The following C1orf21 variants were observed in gnomAD, a reference collection of about 807,000 sequenced individuals.
The protein encoded by C1orf21 is uncharacterized protein C1orf21.
In C1orf21, 3 loss-of-function variants were observed where a neutral mutation model predicts 18.7. The observed-to-expected ratio is 0.16, with a 90% CI of 0.07 to 0.42. The LOEUF (loss-of-function observed/expected upper bound fraction) is 0.42. Ranked by LOEUF, C1orf21 falls within the 10% of genes least tolerant of loss-of-function variation. The pLI, the probability that C1orf21 is intolerant of heterozygous loss-of-function variation, is 0.99. For missense variants in C1orf21, 104 were observed against 143.6 expected, an observed-to-expected ratio of 0.72 and a Z score of 1.41; for synonymous variants, 41 against 46.4, an observed-to-expected ratio of 0.88 and a Z score of 0.47.
Position 184,460,656 on chromosome 1 carries a change from T to G in C1orf21, c.-124-16730T>G, listed in dbSNP as rs1057080468. On this transcript the variant is annotated intron_variant, in intron 1 of 5. Coordinates refer to ENST00000235307, the MANE Select transcript of C1orf21 (RefSeq NM_030806.4). ...CTTCTTCTTCTTCTTCTTCTTCTTCTTCTTCTTCTTCTTCTTCTTCTTCTT... is the reference window on the plus strand; with the variant it reads ...CTTCTTCTTCTTCTTCTTCTTCTTCGTCTTCTTCTTCTTCTTCTTCTTCTT... Among the ~76,000 whole-genome samples the G allele has an allele frequency of 3.4e-5, 5 of 148,484 alleles. No homozygotes were observed. In the South Asian group the frequency reaches 8.6e-4, roughly 25 times the overall value.
At chr1:184,545,683 G>C (rs1658718365) in intron 3 of C1orf21, among the ~76,000 whole-genome samples, 2 of 152,178 alleles carry the variant, frequency 1.3e-5, no homozygotes, top group Non-Finnish European at 2.9e-5. Flanking sequence ...GTGACACACA[G>C]AGGCTTTCTG....
chr1:184,491,259 T>G (rs1428065259), intron 2 of C1orf21, among the ~76,000 whole-genome samples: 2 of 152,106 alleles, frequency 1.3e-5, no homozygotes, highest in Non-Finnish European at 2.9e-5. Flanking sequence ...ATAAGAAGAA[T>G]AAAAACTTCA....
chr1:184,559,509 T>TCCTTCCCC (rs1658925423), intron 3 of C1orf21, among the ~76,000 whole-genome samples: 1 of 45,752 alleles, frequency 2.2e-5, no homozygotes, highest in Admixed American at 2.1e-4. Flanking sequence ...CTTCCCCCCT[T>TCCTTCCCC]CCTTCCTTCC....
At chr1:184,416,200 C>T (rs562396444) in intron 1 of C1orf21, among the ~76,000 whole-genome samples, 1 of 152,206 alleles carries the variant, frequency 6.6e-6, no homozygotes, top group East Asian at 1.9e-4. Flanking sequence ...TGGATGAGTG[C>T]TTTCTAAAGC....
intron 1 of C1orf21, among the ~76,000 whole-genome samples, chr1:184,401,299 C>A (rs1470600191): frequency 6.6e-6 from 1 of 152,184 alleles, no homozygotes; most frequent in African/African-American, 2.4e-5. Context: ...CGGCTCACTG[C>A]AACCTCCACC....
intron 1 of C1orf21, among the ~76,000 whole-genome samples, chr1:184,392,182 G>A (rs4631655): frequency 6.6e-6 from 1 of 152,044 alleles, no homozygotes; most frequent in African/African-American, 2.4e-5. Flanking sequence ...GGTTTTCAAA[G>A]TCCTTTCATG....
rs186042040 is a variant in C1orf21, at chr1:184,532,344, C to T, written c.189+24662C>T. ...GGAAAGCACCTAGCAAGTTTCCTGTCACTTGGAAGGTTTCTAGTAAGTGAC... is the reference window on the plus strand; with the variant it reads ...GGAAAGCACCTAGCAAGTTTCCTGTTACTTGGAAGGTTTCTAGTAAGTGAC... On this transcript the variant is annotated intron_variant, in intron 3 of 5. Coordinates refer to ENST00000235307, the MANE Select transcript of C1orf21 (RefSeq NM_030806.4). Among the ~76,000 whole-genome samples, 35 of 152,278 alleles carry T rather than the reference C, an allele frequency of 2.3e-4. 1 individual carries two copies. The highest frequency in any genetic ancestry group is 9.2e-4 in the Admixed American group (14 of 15,300).
chr1:184,528,244 A>G (rs1217396598), intron 3 of C1orf21, among the ~76,000 whole-genome samples: 1 of 152,216 alleles, frequency 6.6e-6, no homozygotes, highest in Non-Finnish European at 1.5e-5. Flanking sequence ...GTCTCATTTC[A>G]TATTATAGCA....
In C1orf21 at chr1:184,418,532, T is replaced by G. The variant is rs77848633; in HGVS notation, c.-125+31164T>G. On this transcript the variant is annotated intron_variant, in intron 1 of 5. Transcript: ENST00000235307. ...CCCGGCGAAGTTATAACTTTTCTTCTGCGCTCTGGGAACTGCTGGACTTAG... is the reference window on the plus strand; with the variant it reads ...CCCGGCGAAGTTATAACTTTTCTTCGGCGCTCTGGGAACTGCTGGACTTAG... Among the ~76,000 whole-genome samples the G allele has an allele frequency of 8.0e-3, 1,222 of 152,310 alleles. 19 individuals are homozygous for G. Among genetic ancestry groups the G allele is most frequent in the African/African-American group, 0.027 (1,128 of 41,564 alleles).
At chr1:184,602,126 A>ATGTG (rs1659592880) in intron 5 of C1orf21, among the ~76,000 whole-genome samples, 2 of 152,120 alleles carry the variant, frequency 1.3e-5, no homozygotes, top group Non-Finnish European at 2.9e-5. Flanking sequence ...CACCACCACC[A>ATGTG]TCCTCACCCT....
intron 1 of C1orf21, among the ~76,000 whole-genome samples, chr1:184,457,594 C>T (rs1477672893): frequency 6.6e-6 from 1 of 152,160 alleles, no homozygotes; most frequent in Non-Finnish European, 1.5e-5. Context: ...TTGAAAGCTG[C>T]TGTCTCTGTA....
At chr1:184,590,242 A>T (rs1659418471) in intron 3 of C1orf21, among the ~76,000 whole-genome samples, 1 of 152,206 alleles carries the variant, frequency 6.6e-6, no homozygotes, top group African/African-American at 2.4e-5. Flanking sequence ...AATTGTAGTA[A>T]TTCAATTGAA....
intron 1 of C1orf21, among the ~76,000 whole-genome samples, chr1:184,397,267 A>G (rs1282257411): frequency 6.6e-6 from 1 of 152,206 alleles, no homozygotes; most frequent in Non-Finnish European, 1.5e-5. Context: ...ATGGGAATAT[A>G]TCAACATGTT....
rs577286921 is a variant in C1orf21 at position 184,456,228 on chromosome 1, T to A, written c.-124-21158T>A. ...TCTCTATTTTGAACCACTGACCCCA[T>A]CCCTTTGGAGTCTGTGTTTTCTGTG... is the stretch of plus-strand genomic sequence containing the variant. On this transcript the variant is annotated intron_variant, in intron 1 of 5. Transcript: ENST00000235307. Among the ~76,000 whole-genome samples the A allele has an allele frequency of 3.6e-4, 55 of 152,302 alleles. 1 individual carries two copies. The Middle Eastern group carries it at 0.014, about 38-fold the overall frequency.
intron 1 of C1orf21, among the ~76,000 whole-genome samples, chr1:184,389,902 C>A (rs565844817): frequency 6.6e-6 from 1 of 152,288 alleles, no homozygotes; most frequent in African/African-American, 2.4e-5. Flanking sequence ...ATATGACTGT[C>A]TTCATTTGAA....
intron 3 of C1orf21, among the ~76,000 whole-genome samples, chr1:184,518,024 T>C (rs932655109): frequency 6.6e-6 from 1 of 152,156 alleles, no homozygotes; most frequent in African/African-American, 2.4e-5. Context: ...ATTCTGTTTG[T>C]TGTGGCATAG....
intron 3 of C1orf21, chr1:184,567,714 G>A (rs777263040): frequency 2.8e-6 from 1 of 359,954 alleles, no homozygotes; most frequent in East Asian, 7.6e-5. Flanking sequence ...TAAAGTCAAA[G>A]GAATATGGAC....
intron 5 of C1orf21, 123 bp from the exon 6 acceptor site, chr1:184,619,395 C>T (rs1376312317): frequency 9.5e-7 from 1 of 1,057,102 alleles, no homozygotes; most frequent in African/African-American, 1.6e-5. Flanking sequence ...CCAGCTATCA[C>T]TGACAAAGCC....
chr1:184,609,558 T>C (rs1314085824), intron 5 of C1orf21, among the ~76,000 whole-genome samples: 2 of 152,220 alleles, frequency 1.3e-5, no homozygotes, highest in Non-Finnish European at 2.9e-5. Context: ...GGCTCCAGTC[T>C]ACCAAGTGGG....
Sources: gnomAD v4.1 joint callset for allele counts (sites outside exome capture counted in the v4.1 genomes callset) on GRCh38, gnomAD v4.1.1 for gene constraint, MANE v1.5 for transcripts, NCBI Gene and HGNC (gene_info 2026-07-23, HGNC 2026-07-21) for gene names.